IL4I1: variants seen among roughly 807,000 people sequenced by gnomAD.
IL4I1 encodes interleukin 4 induced 1.
A neutral mutation model predicts 29.7 loss-of-function variants in IL4I1; 24 were observed. That is an observed-to-expected ratio of 0.81 (90% confidence interval 0.59 to 1.14). The LOEUF is 1.14. IL4I1 is among the 50% of genes most tolerant of loss of function. The pLI is 0.00. For synonymous variants in IL4I1, 371 were observed against 352.5 expected (o/e 1.05, Z -0.59); for missense variants, 686 against 785.6 (o/e 0.87, Z 1.52).
In IL4I1 at chr19:49,889,756, C is replaced by A. The variant is rs1351819550; in HGVS notation, c.1618G>T (p.Asp540Tyr). The change falls in exon 8 of 8, where the codon GAC becomes TAC. Residue 540 changes from aspartate to tyrosine, a missense_variant. Asp to Tyr is a radical substitution (Grantham distance 160). Coordinates refer to ENST00000391826, the MANE Select transcript of IL4I1 (RefSeq NM_152899.2). ...VHGVASSPSH[D>Y]LAKEEGSHPP... ...TGGCTGCCTTCTTCCTTTGCCAGGT[C>A]ATGCGAGGGGCTGCTGGCCACCCCA... The A allele has an allele frequency of 3.9e-6, 6 of 1,521,470 alleles. No individual in the cohort carries two copies. The highest frequency in any genetic ancestry group is 4.4e-6 in the Non-Finnish European group (5 of 1,134,930). The allele number at this position is 1,521,470 out of a possible 1,614,324, so 94.2% of individuals were successfully genotyped here.
chr19:49,922,834 C>T (rs1183917210), intron 2 of IL4I1, among the ~76,000 whole-genome samples: 1 of 152,160 alleles, frequency 6.6e-6, no homozygotes, highest in Non-Finnish European at 1.5e-5. Context: ...GGAGCCACCC[C>T]TCCCTCTGGG....
At chr19:49,908,337 T>C in intron 2 of IL4I1, 2 of 1,614,088 alleles carry the variant, frequency 1.2e-6, no homozygotes, top group Non-Finnish European at 1.7e-6. Context: ...AGGGCCGAGT[T>C]CTGGTCGATC....
chr19:49,907,441 T>G (rs2075346474), intron 2 of IL4I1: 3 of 422,834 alleles, frequency 7.1e-6, no homozygotes, highest in Non-Finnish European at 1.4e-5. Context: ...CTCTGTTCTA[T>G]TCACACTGTG....
rs777272362 is a variant in IL4I1 at position 49,909,637 on chromosome 19, G to A, written c.-227-5316C>T. 34 of 1,614,098 alleles carry A rather than the reference G, an allele frequency of 2.1e-5. No individual in the cohort carries two copies. In the South Asian group the frequency reaches 2.4e-4, roughly 11 times the overall value. ...TCTGGGTGGCAAGTGAGAACAGGCC[G>A]GTGGAAGGGGTACTTGTGGCTGGTT... On this transcript the variant is annotated intron_variant, in intron 2 of 9. Coordinates refer to the IL4I1 transcript ENST00000341114.
intron 2 of IL4I1, chr19:49,909,985 A>C (rs1600504473): frequency 1.4e-6 from 1 of 709,438 alleles, no homozygotes; most frequent in East Asian, 2.7e-5. Flanking sequence ...GGATGGGATA[A>C]TGATGCATGC....
At chr19:49,907,831 C>G (rs2075358317) in intron 2 of IL4I1, 1 of 332,854 alleles carries the variant, frequency 3.0e-6, no homozygotes, top group African/African-American at 2.2e-5. Flanking sequence ...CCACTGCGCC[C>G]TGACTTGGAG....
chr19:49,899,558 T>G (rs1009463077), upstream of IL4I1, among the ~76,000 whole-genome samples: 6 of 150,838 alleles, frequency 4.0e-5, no homozygotes, highest in Non-Finnish European at 5.9e-5. Flanking sequence ...TTTTTGTTTT[T>G]TTTGTTTTTT....
chr19:49,905,530 C>T (rs2122567849), intron 2 of IL4I1, among the ~76,000 whole-genome samples: 1 of 152,306 alleles, frequency 6.6e-6, no homozygotes, highest in East Asian at 1.9e-4. Flanking sequence ...CTGCTCCCAC[C>T]ACACACACCC....
In IL4I1 at chr19:49,890,108, G is replaced by A. The variant is rs1163499669; in HGVS notation, c.1266C>T (p.Asp422=). ...REEALRLALD[D]VAALHGPVVR... is the part of the protein sequence containing the mutation. ...CGACAGGCCCGTGCAATGCCGCCAC[G>A]TCGTCGAGCGCCAAGCGCAACGCCT... Residue 422 remains aspartate, a synonymous_variant, in exon 8 of 8, where the codon GAC becomes GAT. Coordinates refer to ENST00000391826, the MANE Select transcript of IL4I1 (RefSeq NM_152899.2). The A allele has an allele frequency of 1.9e-6, 3 of 1,543,984 alleles. No individual in the cohort carries two copies. The highest frequency in any genetic ancestry group is 3.9e-5 in the Admixed American group (2 of 50,914).
At position 49,891,126 on chromosome 19, in the gene IL4I1, C is replaced by T. The variant is rs773969539; in HGVS notation, c.637-19G>A. On this transcript the variant is annotated intron_variant, in intron 6 of 7. Transcript: ENST00000391826. ...GATATTCCTGCAGGTTGGGCACAGG[C>T]CGAGGTTAGGGCCCAGGCAGGCTGC... 1.2e-6 allele frequency: 2 copies of T among 1,608,676 alleles called. No individual in the cohort carries two copies. The highest frequency in any genetic ancestry group is 3.4e-5 in the Admixed American group (2 of 58,920).
upstream of IL4I1, chr19:49,896,919 A>T: frequency 3.1e-6 from 3 of 982,478 alleles, no homozygotes; most frequent in South Asian, 4.7e-5. Flanking sequence ...CTCCCCTTAA[A>T]CTGGCAGAGC....
chr19:49,890,690 CT>C, intron 7 of IL4I1, 90 bp from the exon 8 acceptor site: 1 of 1,212,080 alleles, frequency 8.3e-7, no homozygotes, highest in Non-Finnish European at 1.1e-6. Context: ...GCAGCTGGCC[CT>C]TATGGGCACC....
upstream of IL4I1, among the ~76,000 whole-genome samples, chr19:49,897,841 G>A (rs538440805): frequency 0.011 from 1,635 of 152,152 alleles, 28 homozygotes; most frequent in African/African-American, 0.037. Flanking sequence ...GTGGGGGTTG[G>A]AGGGCATTAA....
In IL4I1 at chr19:49,890,591, G is replaced by A; in HGVS notation, c.783C>T (p.Arg261=). Residue 261 remains arginine, a synonymous_variant, in exon 8 of 8, where the codon CGC becomes CGT. Transcript: ENST00000391826. ...GCAGCAGGTCCCAGCCACCCACGATGCGGCTGTACCTGCAGGCGGGGCGGG... is the reference window on the plus strand; with the variant it reads ...GCAGCAGGTCCCAGCCACCCACGATACGGCTGTACCTGCAGGCGGGGCGGG... ...SCLSDRLQYS[R]IVGGWDLLPR... is the part of the protein sequence containing the mutation. The A allele has an allele frequency of 1.3e-6, 2 of 1,562,890 alleles. No individual in the cohort carries two copies. The highest frequency in any genetic ancestry group is 1.7e-6 in the Non-Finnish European group (2 of 1,158,502).
At position 49,894,365 on chromosome 19, in the gene IL4I1, T is replaced by C. The variant is rs1385063141; in HGVS notation, c.470A>G (p.Tyr157Cys). ...TEVHEVKLRN[Y>C]VVEKVPEKLG... is the part of the protein sequence containing the mutation. ...CTTCTCGGGCACCTTCTCCACCACATAGTTGCGCAGCTTCACTTCGTGCAC... is the reference window on the plus strand; with the variant it reads ...CTTCTCGGGCACCTTCTCCACCACACAGTTGCGCAGCTTCACTTCGTGCAC... Residue 157 changes from tyrosine to cysteine, a missense_variant, in exon 5 of 8, where the codon TAT (tyrosine) becomes TGT (cysteine). Coordinates refer to ENST00000391826, the MANE Select transcript of IL4I1 (RefSeq NM_152899.2). 4 of 1,614,204 alleles carry C rather than the reference T, an allele frequency of 2.5e-6. No individual in the cohort carries two copies. Among genetic ancestry groups the C allele is most frequent in the Non-Finnish European group, 3.4e-6 (4 of 1,180,026 alleles).
chr19:49,929,120 G>C (rs1482638354), intron 1 of IL4I1: 1 of 151,964 alleles, frequency 6.6e-6, no homozygotes, highest in Non-Finnish European at 1.5e-5. Flanking sequence ...GGTTGGGGCC[G>C]CGCGAGGGCG....
At chr19:49,913,927 G>T (rs748694192) in intron 2 of IL4I1, among the ~76,000 whole-genome samples, 5 of 152,194 alleles carry the variant, frequency 3.3e-5, no homozygotes, top group African/African-American at 4.8e-5. Flanking sequence ...TGGAGGCCAG[G>T]TGGCTTAGAG....
intron 2 of IL4I1, chr19:49,908,690 G>A (rs1486917773): frequency 6.2e-7 from 1 of 1,612,224 alleles, no homozygotes; most frequent in Non-Finnish European, 8.5e-7. Flanking sequence ...GTGCAGGCTG[G>A]TGATCTTTTC....
At chr19:49,926,390 C>T (rs1348336407) in intron 2 of IL4I1, among the ~76,000 whole-genome samples, 10 of 151,730 alleles carry the variant, frequency 6.6e-5, no homozygotes, top group African/African-American at 1.7e-4. Context: ...ATTAGCCAGG[C>T]GTGGTGGTGG....
Sources: gnomAD v4.1 joint callset for allele counts (sites outside exome capture counted in the v4.1 genomes callset) on GRCh38, gnomAD v4.1.1 for gene constraint, MANE v1.5 for transcripts, NCBI Gene and HGNC (gene_info 2026-07-23, HGNC 2026-07-21) for gene names.